SHANK2: variants seen among roughly 807,000 people sequenced by gnomAD.
The protein encoded by SHANK2 is SH3 and multiple ankyrin repeat domains 2.
SHANK2 carries 43 observed loss-of-function variants against 133.7 expected under a neutral mutation model. The ratio of observed to expected loss-of-function variants is 0.32; its 90% CI spans 0.25 to 0.41. The LOEUF is 0.41. Among genes scored for constraint, SHANK2 ranks in the 10% least tolerant of loss-of-function variants. The pLI is 1.00. For missense variants in SHANK2, 1,994 were observed against 2,235.8 expected (o/e 0.89, Z 2.18); for synonymous variants, 1,017 against 952.8 (o/e 1.07, Z -1.24).
chr11:70,615,963 T>C (rs1202023896), intron 17 of SHANK2, among the ~76,000 whole-genome samples: 1 of 152,164 alleles, frequency 6.6e-6, no homozygotes, highest in African/African-American at 2.4e-5. Flanking sequence ...AGACCCCAGC[T>C]GTCCCTGAGA....
intron 17 of SHANK2, among the ~76,000 whole-genome samples, chr11:70,595,977 A>T (rs1175544837): frequency 1.3e-5 from 2 of 152,208 alleles, no homozygotes; most frequent in Non-Finnish European, 2.9e-5. Context: ...CATCGTGAGG[A>T]TGAAGCAGAG....
At chr11:70,516,770 A>T (rs1458616931) in intron 17 of SHANK2, among the ~76,000 whole-genome samples, 7 of 152,184 alleles carry the variant, frequency 4.6e-5, no homozygotes, top group African/African-American at 1.7e-4. Context: ...TAAGAAAACA[A>T]CTGAATATAA....
At chr11:70,492,102 C>G (rs1006885636) in intron 22 of SHANK2, among the ~76,000 whole-genome samples, 1 of 152,204 alleles carries the variant, frequency 6.6e-6, no homozygotes, top group Non-Finnish European at 1.5e-5. Flanking sequence ...CTTCGAGGCT[C>G]AGGGCACTGA....
chr11:70,477,121 G>C, intron 25 of SHANK2, among the ~76,000 whole-genome samples: 1 of 152,170 alleles, frequency 6.6e-6, no homozygotes, highest in East Asian at 1.9e-4. Flanking sequence ...CACACACGGG[G>C]TCACGCAGCA....
intron 10 of SHANK2, among the ~76,000 whole-genome samples, chr11:70,955,082 C>T (rs562348307): frequency 6.6e-6 from 1 of 152,234 alleles, no homozygotes; most frequent in Non-Finnish European, 1.5e-5. Context: ...CCATTTCATC[C>T]TTGTCCTTCC....
At chr11:70,612,243 G>A (rs1214682260) in intron 17 of SHANK2, among the ~76,000 whole-genome samples, 3 of 152,162 alleles carry the variant, frequency 2.0e-5, no homozygotes, top group Admixed American at 6.5e-5. Context: ...GAACTCACAC[G>A]TGCTGGGCAG....
chr11:70,859,531 G>A (rs184785849), intron 11 of SHANK2, among the ~76,000 whole-genome samples: 1 of 152,252 alleles, frequency 6.6e-6, no homozygotes, highest in African/African-American at 2.4e-5. Flanking sequence ...TGAGTGGATG[G>A]ATGAATGGGT....
At position 71,090,442 on chromosome 11, in the gene SHANK2, C is replaced by CCTGTGTGTGT. The variant is rs1293097073; in HGVS notation, c.912+1979_912+1980insACACACACAG. On this transcript the variant is annotated intron_variant, in intron 8 of 25. Transcript: ENST00000601538. ...GCCAGGGTTCTCCAGAGAAACACTA[C>CCTGTGTGTGT]GTGTGTGTGTGTGTGTGTGTGTGTG... Among the ~76,000 whole-genome samples the CCTGTGTGTGT allele has an allele frequency of 3.5e-3, 28 of 8,042 alleles. 13 individuals carry two copies. The highest frequency in any genetic ancestry group is 0.013 in the African/African-American group (26 of 2,056). The allele number at this position is 8,042 out of a possible 152,430, so 5.3% of individuals were successfully genotyped here. A position where few individuals can be genotyped will look rare whatever the true frequency, so the allele number is the denominator to read the frequency against.
chr11:70,690,301 A>G (rs369102900), intron 15 of SHANK2, among the ~76,000 whole-genome samples: 3 of 152,098 alleles, frequency 2.0e-5, no homozygotes, highest in Non-Finnish European at 4.4e-5. Flanking sequence ...GGAAAAACAA[A>G]ATCTTCATGT....
intron 6 of SHANK2, among the ~76,000 whole-genome samples, chr11:71,104,441 A>C (rs957335730): frequency 1.2e-4 from 19 of 152,162 alleles, no homozygotes; most frequent in African/African-American, 4.3e-4. Flanking sequence ...TCTGCATTTC[A>C]GTCAGGAGGA....
intron 2 of SHANK2, among the ~76,000 whole-genome samples, chr11:71,166,585 G>A (rs1211539097): frequency 3.3e-5 from 5 of 150,294 alleles, no homozygotes; most frequent in African/African-American, 2.5e-5. Context: ...AGGTTCAAAC[G>A]ATTCTCCTGC....
intron 11 of SHANK2, among the ~76,000 whole-genome samples, chr11:70,868,540 C>T (rs1949408371): frequency 6.6e-6 from 1 of 152,196 alleles, no homozygotes; most frequent in Non-Finnish European, 1.5e-5. Flanking sequence ...TGTCCAAAGT[C>T]ACACAGCCTG....
At chr11:71,210,551 AGATACATAT>A (rs1298481576) in intron 2 of SHANK2, among the ~76,000 whole-genome samples, 1 of 151,904 alleles carries the variant, frequency 6.6e-6, no homozygotes, top group African/African-American at 2.4e-5. Context: ...TGCCCAGCCC[AGATACATAT>A]TTATATTCAT....
intron 2 of SHANK2, among the ~76,000 whole-genome samples, chr11:71,201,225 A>G (rs115533536): frequency 0.031 from 4,658 of 152,234 alleles, 106 homozygotes; most frequent in African/African-American, 0.062. Context: ...GCCCTCCCCC[A>G]TATTCCAACT....
At chr11:70,564,129 T>A (rs1007388445) in intron 17 of SHANK2, among the ~76,000 whole-genome samples, 17 of 152,138 alleles carry the variant, frequency 1.1e-4, no homozygotes, top group Admixed American at 7.2e-4. Context: ...CCTGGGTGTG[T>A]TTTTGTTTCT....
intron 11 of SHANK2, among the ~76,000 whole-genome samples, chr11:70,839,447 G>A (rs868993158): frequency 2.6e-4 from 40 of 152,280 alleles, no homozygotes; most frequent in Admixed American, 1.6e-3. Flanking sequence ...TAGAGAGGGC[G>A]GGTACGTCAA....
At chr11:70,837,905 C>T (rs1047340153) in intron 11 of SHANK2, among the ~76,000 whole-genome samples, 12 of 130,360 alleles carry the variant, frequency 9.2e-5, no homozygotes, top group Admixed American at 6.5e-4. Flanking sequence ...ACCCAGGAGG[C>T]GGAAGTTCCA....
chr11:70,657,310 G>A (rs2061416533), intron 17 of SHANK2, among the ~76,000 whole-genome samples: 1 of 152,184 alleles, frequency 6.6e-6, no homozygotes, highest in African/African-American at 2.4e-5. Context: ...ATTCACGTGA[G>A]ACATGTGAGG....
chr11:70,658,357 A>G (rs578097832), intron 17 of SHANK2, among the ~76,000 whole-genome samples: 2 of 152,038 alleles, frequency 1.3e-5, no homozygotes, highest in African/African-American at 4.8e-5. Flanking sequence ...CCTACAGAGG[A>G]TGATTCAACC....
Sources: allele counts gnomAD v4.1 joint callset (sites outside exome capture counted in the v4.1 genomes callset), GRCh38; gene constraint gnomAD v4.1.1; transcripts MANE v1.5; gene names NCBI Gene and HGNC (gene_info 2026-07-23, HGNC 2026-07-21).